PRKAR1A: variants seen among roughly 807,000 people sequenced by gnomAD.
PRKAR1A encodes protein kinase cAMP-dependent type I regulatory subunit alpha.
In PRKAR1A, 3 loss-of-function variants were observed where a neutral mutation model predicts 52.0. That is an observed-to-expected ratio of 0.06 (90% confidence interval 0.03 to 0.15). The LOEUF (loss-of-function observed/expected upper bound fraction) is 0.15. Ranked by LOEUF, PRKAR1A falls within the 10% of genes least tolerant of loss-of-function variation. The probability of loss-of-function intolerance (pLI) is 1.00; values close to 1 mark genes in which losing one functional copy is unlikely to be tolerated. For synonymous variants in PRKAR1A, 188 were observed against 168.4 expected, an observed-to-expected ratio of 1.12 and a Z score of -0.90; for missense variants, 240 against 477.4, an observed-to-expected ratio of 0.50 and a Z score of 4.63.
At chr17:68,495,952 T>TTTCTCTCCTCTC in the PRKAR1A span, among the ~76,000 whole-genome samples, 1 of 95,986 alleles carries the variant, frequency 1.0e-5, no homozygotes, top group Non-Finnish European at 2.1e-5. Flanking sequence ...TTCCTTTCCT[T>TTTCTCTCCTCTC]TCCTCTCCTC....
At chr17:68,514,960 A>G (rs113312883) in intron 1 of PRKAR1A, 40 of 248,346 alleles carry the variant, frequency 1.6e-4, no homozygotes, top group African/African-American at 8.0e-4. Context: ...GATATTCTTC[A>G]TTGTGCTGAC....
chr17:68,416,125 C>T, the PRKAR1A span, among the ~76,000 whole-genome samples: 2 of 151,956 alleles, frequency 1.3e-5, no homozygotes, highest in East Asian at 1.9e-4. Context: ...TTTTATAGGT[C>T]CTGTGAGCTT....
intron 10 of PRKAR1A, 29 bp downstream of exon 10, chr17:68,530,030 C>A (rs1189782351): frequency 6.2e-7 from 1 of 1,601,112 alleles, no homozygotes; most frequent in East Asian, 2.2e-5. Flanking sequence ...ACAATAAATA[C>A]ATGGTTTCTT....
intron 11 of PRKAR1A, among the ~76,000 whole-genome samples, chr17:68,549,442 C>T (rs1319065013): frequency 1.3e-5 from 2 of 149,848 alleles, no homozygotes; most frequent in East Asian, 2.0e-4. Flanking sequence ...TGCAGTGAGC[C>T]GAGATAGCGC....
chr17:68,449,093 A>C, the PRKAR1A span, among the ~76,000 whole-genome samples: 2 of 152,352 alleles, frequency 1.3e-5, no homozygotes, highest in East Asian at 3.9e-4. Context: ...GTTAAAAAAA[A>C]TTAATTAGTA....
chr17:68,515,506 T>G lies in PRKAR1A; in HGVS notation c.107T>G (p.Val36Gly), dbSNP rs1600462346. The G allele has an allele frequency of 6.2e-7, 1 of 1,613,368 alleles. No homozygotes were observed. The highest frequency in any genetic ancestry group is 8.5e-7 in the Non-Finnish European group (1 of 1,180,022). The change falls in exon 2 of 11, where the codon GTG (valine) becomes GGG (glycine). Residue 36 changes from valine to glycine, a missense_variant. This residue lies in a region of PRKAR1A where 107 missense variants were observed against 114.6 expected (regional missense o/e 0.93). Transcript: ENST00000589228. Reference sequence around the variant, plus strand: ...CAAGCGCTGCTCAAAGATTCTATTGTGCAGTTGTGCACTGCTCGACCTGAG... The same window carrying G: ...CAAGCGCTGCTCAAAGATTCTATTGGGCAGTTGTGCACTGCTCGACCTGAG... ...NIQALLKDSI[V>G]QLCTARPERP...
chr17:68,541,939 T>A, intron 11 of PRKAR1A: 1 of 1,584,950 alleles, frequency 6.3e-7, no homozygotes. Context: ...ACAGGGTCTG[T>A]GGCTACTGTC....
intron 11 of PRKAR1A, among the ~76,000 whole-genome samples, chr17:68,544,062 A>C (rs949199259): frequency 6.6e-6 from 1 of 152,190 alleles, no homozygotes; most frequent in Non-Finnish European, 1.5e-5. Flanking sequence ...TAAACAGAAG[A>C]GAGGGGAATG....
the PRKAR1A span, among the ~76,000 whole-genome samples, chr17:68,440,259 A>G: frequency 5.9e-5 from 9 of 152,198 alleles, no homozygotes; most frequent in African/African-American, 1.9e-4. Context: ...TGACTTCCCT[A>G]TGGCCCAAGT....
intron 2 of PRKAR1A, chr17:68,515,879 A>G: frequency 2.7e-6 from 1 of 368,384 alleles, no homozygotes; most frequent in Non-Finnish European, 5.1e-6. Flanking sequence ...ACTGATCAGA[A>G]CTAGTATAGC....
the PRKAR1A span, among the ~76,000 whole-genome samples, chr17:68,482,045 G>T: frequency 6.6e-6 from 1 of 152,206 alleles, no homozygotes; most frequent in South Asian, 2.1e-4. Flanking sequence ...TGACTGTGTG[G>T]CAAGTGCTGT....
chr17:68,541,385 AT>A, intron 11 of PRKAR1A: 1 of 220,874 alleles, frequency 4.5e-6, no homozygotes, highest in Non-Finnish European at 9.2e-6. Flanking sequence ...TCCGATGCCC[AT>A]TTTCATCCGA....
chr17:68,505,967 A>G, the PRKAR1A span, among the ~76,000 whole-genome samples: 1 of 152,340 alleles, frequency 6.6e-6, no homozygotes, highest in Non-Finnish European at 1.5e-5. Flanking sequence ...TTTTTTTGTA[A>G]ACCTAGAATT....
upstream of PRKAR1A, among the ~76,000 whole-genome samples, chr17:68,511,367 C>A (rs1367198365): frequency 6.6e-6 from 1 of 152,110 alleles, no homozygotes. Flanking sequence ...CCCTTTTCTT[C>A]CTCCTTAGAC....
the PRKAR1A span, among the ~76,000 whole-genome samples, chr17:68,470,331 T>C: frequency 4.6e-5 from 7 of 152,176 alleles, no homozygotes; most frequent in Non-Finnish European, 1.0e-4. Flanking sequence ...CCACCCGCCT[T>C]GGCCTCCCAA....
intron 11 of PRKAR1A, among the ~76,000 whole-genome samples, chr17:68,547,094 G>A (rs1483454709): frequency 6.6e-5 from 10 of 152,040 alleles, no homozygotes; most frequent in Middle Eastern, 3.4e-3. Context: ...TAACAGATGT[G>A]TGGTCATCCA....
At chr17:68,540,818 T>G in intron 11 of PRKAR1A, 2 of 1,570,950 alleles carry the variant, frequency 1.3e-6, no homozygotes, top group Non-Finnish European at 1.7e-6. Flanking sequence ...CAGAGCCCAC[T>G]TCTGCTGGGG....
At chr17:68,485,276 C>T in the PRKAR1A span, among the ~76,000 whole-genome samples, 1 of 152,174 alleles carries the variant, frequency 6.6e-6, no homozygotes, top group African/African-American at 2.4e-5. Flanking sequence ...TAGCTGAGTG[C>T]TGAGTGACCC....
the PRKAR1A span, among the ~76,000 whole-genome samples, chr17:68,488,125 A>G: frequency 6.6e-6 from 1 of 151,994 alleles, no homozygotes; most frequent in Non-Finnish European, 1.5e-5. Context: ...CACAGACCCA[A>G]GGAAGTGGGG....
Sources: gnomAD v4.1 joint callset for allele counts (sites outside exome capture counted in the v4.1 genomes callset) on GRCh38, gnomAD v4.1.1 for gene constraint, gnomAD v4.1.1 regional missense constraint, MANE v1.5 for transcripts, NCBI Gene and HGNC (gene_info 2026-07-23, HGNC 2026-07-21) for gene names.